COA1: variants seen among roughly 807,000 people sequenced by gnomAD.
COA1 encodes cytochrome c oxidase assembly factor 1, also known as cytochrome c oxidase assembly factor 1 homolog.
Under a neutral mutation model 16.0 loss-of-function variants are expected in COA1, and 13 were observed. The observed-to-expected ratio is 0.81, with a 90% CI of 0.53 to 1.29. COA1 has a LOEUF of 1.29. COA1 is among the 50% of genes most tolerant of loss of function. The pLI is 0.00. For missense variants in COA1, 179 were observed against 177.0 expected (o/e 1.01, Z -0.06); for synonymous variants, 65 against 65.7 (o/e 0.99, Z 0.05).
At chr7:43,614,029 T>C (rs1279419236) in intron 6 of COA1, among the ~76,000 whole-genome samples, 1 of 152,210 alleles carries the variant, frequency 6.6e-6, no homozygotes, top group African/African-American at 2.4e-5. Context: ...ATTTCTCTAC[T>C]CTAACCTGGG....
intron 6 of COA1, chr7:43,623,989 A>C: frequency 1.2e-6 from 1 of 816,988 alleles, no homozygotes; most frequent in Non-Finnish European, 1.7e-6. Flanking sequence ...TCCAACCAAA[A>C]ATAGTTCAAC....
intron 1 of COA1, among the ~76,000 whole-genome samples, chr7:43,691,279 AAGAAAGAAAGAAAG>A (rs2094292950): frequency 5.2e-5 from 2 of 38,482 alleles, no homozygotes; most frequent in Non-Finnish European, 1.1e-4. Flanking sequence ...GAAAGAAAGA[AAGAAAGAAAGAAAG>A]AAAGAAAGAA....
At chr7:43,617,256 T>C (rs6946135) in intron 6 of COA1, among the ~76,000 whole-genome samples, 2,877 of 152,236 alleles carry the variant, frequency 0.019, 96 homozygotes, top group African/African-American at 0.066. Flanking sequence ...TGGGAGGCTG[T>C]GGAAGGGTTT....
chr7:43,648,309 T>G (rs2089997813), intron 2 of COA1: 1 of 536,438 alleles, frequency 1.9e-6, no homozygotes, highest in African/African-American at 1.9e-5. Context: ...AATGTATTAG[T>G]CAGATCTTGC....
In COA1 at chr7:43,624,669, A is replaced by C. The variant is rs143807634; in HGVS notation, c.*133+14780T>G. ...GCCTGAAATTAATTCGGATACCGACAAATCAGAAACCAAGGAATCCATTGT... is the reference window on the plus strand; with the variant it reads ...GCCTGAAATTAATTCGGATACCGACCAATCAGAAACCAAGGAATCCATTGT... On this transcript the variant is annotated intron_variant and NMD_transcript_variant, in intron 6 of 6. Coordinates refer to the COA1 transcript ENST00000415076. 4 of 1,614,034 alleles carry C rather than the reference A, an allele frequency of 2.5e-6. No homozygotes were observed. The African/African-American group carries it at 5.3e-5, about 22-fold the overall frequency.
chr7:43,717,408 G>A (rs991267045), intron 1 of COA1, among the ~76,000 whole-genome samples: 12 of 152,278 alleles, frequency 7.9e-5, no homozygotes, highest in Admixed American at 2.6e-4. Context: ...TGACTGCCCC[G>A]CTGGATTTCA....
chr7:43,659,657 G>A (rs1161058029), intron 1 of COA1, among the ~76,000 whole-genome samples: 4 of 152,064 alleles, frequency 2.6e-5, no homozygotes, highest in African/African-American at 9.7e-5. Context: ...AAGGAATCTG[G>A]GAGGTTTGCT....
At chr7:43,656,195 G>A (rs892487484) in intron 1 of COA1, 1 of 152,180 alleles carries the variant, frequency 6.6e-6, no homozygotes. Flanking sequence ...TTAGTTGTAA[G>A]CTACTAAATT....
chr7:43,635,157 T>A (rs1222614798), downstream of COA1, among the ~76,000 whole-genome samples: 1 of 152,210 alleles, frequency 6.6e-6, no homozygotes, highest in African/African-American at 2.4e-5. Flanking sequence ...TATAATTTTA[T>A]AAATATTGAC....
chr7:43,660,209 C>T (rs1584586579), intron 1 of COA1, among the ~76,000 whole-genome samples: 2 of 152,190 alleles, frequency 1.3e-5, no homozygotes, highest in East Asian at 1.9e-4. Context: ...CATTCAAGGG[C>T]ATGAATCTAG....
intron 1 of COA1, among the ~76,000 whole-genome samples, chr7:43,712,199 AC>A (rs2095272709): frequency 6.6e-6 from 1 of 150,638 alleles, no homozygotes. Flanking sequence ...TGCAACCTCC[AC>A]CTCCCGGGTT....
chr7:43,654,178 T>C (rs964984774), intron 1 of COA1, among the ~76,000 whole-genome samples: 10 of 152,090 alleles, frequency 6.6e-5, no homozygotes, highest in African/African-American at 2.4e-4. Context: ...GTTTCTGGGT[T>C]TGTAGCAATC....
intron 1 of COA1, among the ~76,000 whole-genome samples, chr7:43,709,322 G>A (rs577612126): frequency 7.8e-4 from 118 of 151,972 alleles, no homozygotes; most frequent in Middle Eastern, 6.8e-3. Context: ...CACCATGCCC[G>A]GCCTATCTCC....
At chr7:43,680,487 A>G (rs781335199) in intron 1 of COA1, among the ~76,000 whole-genome samples, 1 of 152,268 alleles carries the variant, frequency 6.6e-6, no homozygotes, top group Non-Finnish European at 1.5e-5. Flanking sequence ...ATAAATAAAA[A>G]GAAATCTGCA....
At chr7:43,710,934 G>A (rs1450330818) in intron 1 of COA1, among the ~76,000 whole-genome samples, 1 of 151,944 alleles carries the variant, frequency 6.6e-6, no homozygotes, top group Non-Finnish European at 1.5e-5. Flanking sequence ...GTCATTAAAT[G>A]TAGCAAGTCA....
chr7:43,683,163 C>A (rs1166484107), intron 1 of COA1, among the ~76,000 whole-genome samples: 1 of 152,094 alleles, frequency 6.6e-6, no homozygotes, highest in Non-Finnish European at 1.5e-5. Context: ...CAGCCACCAA[C>A]TGATACTCTT....
intron 1 of COA1, among the ~76,000 whole-genome samples, chr7:43,682,944 A>G (rs1156637447): frequency 6.6e-6 from 1 of 152,052 alleles, no homozygotes; most frequent in Non-Finnish European, 1.5e-5. Context: ...CTGCCTCCCA[A>G]ATTCTAGTGA....
chr7:43,699,078 G>A (rs559638697), intron 1 of COA1, among the ~76,000 whole-genome samples: 3 of 152,264 alleles, frequency 2.0e-5, no homozygotes, highest in East Asian at 1.9e-4. Flanking sequence ...CGTGGGTTAG[G>A]AAAGCTACAA....
intron 1 of COA1, among the ~76,000 whole-genome samples, chr7:43,700,307 T>A (rs969484569): frequency 6.6e-6 from 1 of 152,110 alleles, no homozygotes; most frequent in Non-Finnish European, 1.5e-5. Context: ...AACATGGGTA[T>A]CCACTACCTA....
Sources: gnomAD v4.1 joint callset for allele counts (sites outside exome capture counted in the v4.1 genomes callset) on GRCh38, gnomAD v4.1.1 for gene constraint, MANE v1.5 for transcripts, NCBI Gene and HGNC (gene_info 2026-07-23, HGNC 2026-07-21) for gene names.